PPP1R21: variants seen among roughly 807,000 people sequenced by gnomAD.
PPP1R21 encodes the protein KLRAQ motif containing 1.
In PPP1R21, 85 loss-of-function variants were observed where a neutral mutation model predicts 112.8. The ratio of observed to expected loss-of-function variants is 0.75; its 90% CI spans 0.63 to 0.90. PPP1R21 has a LOEUF of 0.90. PPP1R21 is among the 40% of genes least tolerant of loss of function. The pLI is 0.00. For synonymous variants in PPP1R21, 381 were observed against 322.3 expected, an observed-to-expected ratio of 1.18 and a Z score of -1.95; for missense variants, 1,199 against 901.5, an observed-to-expected ratio of 1.33 and a Z score of -4.23.
At chr2:48,448,966 C>A (rs984074218) in intron 1 of PPP1R21, among the ~76,000 whole-genome samples, 2 of 151,322 alleles carry the variant, frequency 1.3e-5, no homozygotes, top group African/African-American at 4.9e-5. Flanking sequence ...AATAGCCTGC[C>A]AATTTGGCCC....
chr2:48,509,867 G>A (rs780370418), intron 19 of PPP1R21, 148 bp from the exon 20 acceptor site: 1 of 525,138 alleles, frequency 1.9e-6, no homozygotes, highest in Non-Finnish European at 3.4e-6. Flanking sequence ...TCTGATGTGT[G>A]ACACAATGCC....
In PPP1R21 at chr2:48,440,880, G is replaced by T. The variant is rs1212070755; in HGVS notation, c.-74G>T. ...GATACTGCCTGACCCGTTCCCGGGAGCGTGTCTGGGTTTGGGGGCGGGAGA... is the reference window on the plus strand; with the variant it reads ...GATACTGCCTGACCCGTTCCCGGGATCGTGTCTGGGTTTGGGGGCGGGAGA... On this transcript the variant is annotated 5_prime_UTR_variant, in exon 1 of 22. Coordinates refer to ENST00000294952, the MANE Select transcript of PPP1R21 (RefSeq NM_001135629.3). 4.6e-6 allele frequency: 5 copies of T among 1,082,312 alleles called. No homozygotes were observed. Among genetic ancestry groups the T allele is most frequent in the Non-Finnish European group, 6.9e-6 (5 of 727,892 alleles). 67.0% of individuals were successfully genotyped at this position (1,082,312 alleles called of 1,614,324 possible). A position where few individuals can be genotyped will look rare whatever the true frequency, so the allele number is the denominator to read the frequency against.
intron 4 of PPP1R21, 92 bp downstream of exon 4, chr2:48,458,319 G>A (rs2103789616): frequency 6.7e-6 from 5 of 751,612 alleles, no homozygotes; most frequent in East Asian, 2.7e-5. Context: ...TTTTGTGTCT[G>A]CGTGGGTATT....
intron 14 of PPP1R21, 110 bp downstream of exon 14, chr2:48,486,868 C>G: frequency 1.6e-6 from 2 of 1,215,946 alleles, no homozygotes; most frequent in Non-Finnish European, 2.3e-6. Flanking sequence ...TAAGGGTTTA[C>G]TGTAAAATAA....
intron 16 of PPP1R21, 35 bp downstream of exon 16, chr2:48,495,806 G>A: frequency 8.3e-7 from 1 of 1,206,112 alleles, no homozygotes; most frequent in Non-Finnish European, 1.2e-6. Context: ...AATTGTTAAA[G>A]AACAGAAATG....
intron 14 of PPP1R21, 109 bp downstream of exon 14, chr2:48,486,867 A>G (rs1669325617): frequency 1.6e-6 from 2 of 1,218,368 alleles, no homozygotes; most frequent in Non-Finnish European, 2.3e-6. Context: ...ATAAGGGTTT[A>G]CTGTAAAATA....
intron 15 of PPP1R21, 63 bp from the exon 16 acceptor site, chr2:48,495,616 T>C (rs4443044): frequency 0.54 from 466,087 of 863,238 alleles, 127,995 homozygotes; most frequent in Middle Eastern, 0.65. Flanking sequence ...TTTGTGTATG[T>C]TGGATGCAGG....
At chr2:48,501,770 C>CT (rs1039538816) in intron 17 of PPP1R21, among the ~76,000 whole-genome samples, 3 of 151,676 alleles carry the variant, frequency 2.0e-5, no homozygotes, top group Admixed American at 1.3e-4. Flanking sequence ...CATTGTGCCA[C>CT]TGTACTCCAG....
At chr2:48,514,276 C>T (rs1007508987) in intron 21 of PPP1R21, among the ~76,000 whole-genome samples, 3 of 151,770 alleles carry the variant, frequency 2.0e-5, no homozygotes, top group Non-Finnish European at 4.4e-5. Context: ...TTAATAGAGA[C>T]GGGGTTTCAC....
chr2:48,459,118 A>G (rs901441671), intron 4 of PPP1R21, among the ~76,000 whole-genome samples: 4 of 150,098 alleles, frequency 2.7e-5, no homozygotes, highest in Non-Finnish European at 4.4e-5. Flanking sequence ...AAAAAGATTC[A>G]TAGTATAGTG....
intron 2 of PPP1R21, among the ~76,000 whole-genome samples, chr2:48,451,731 A>G (rs1162248289): frequency 1.3e-5 from 2 of 152,148 alleles, no homozygotes; most frequent in Non-Finnish European, 2.9e-5. Flanking sequence ...GCCAAGTTTC[A>G]GTTAAATATA....
chr2:48,456,320 A>G (rs74530590), intron 3 of PPP1R21, among the ~76,000 whole-genome samples: 1,901 of 150,970 alleles, frequency 0.013, 41 homozygotes, highest in African/African-American at 0.044. Context: ...ATAGACTAAC[A>G]CTCCACAAAT....
chr2:48,501,904 T>G (rs1670133715), intron 17 of PPP1R21: 1 of 152,180 alleles, frequency 6.6e-6, no homozygotes, highest in African/African-American at 2.4e-5. Context: ...TATATATTTC[T>G]TTATAAATTA....
intron 12 of PPP1R21, among the ~76,000 whole-genome samples, chr2:48,477,933 G>C (rs745517581): frequency 9.9e-5 from 15 of 152,078 alleles, no homozygotes; most frequent in Non-Finnish European, 1.9e-4. Context: ...ATTAAGATGA[G>C]GTCATACTGG....
chr2:48,453,726 A>T (rs551760507), intron 2 of PPP1R21, among the ~76,000 whole-genome samples: 5 of 152,328 alleles, frequency 3.3e-5, no homozygotes, highest in African/African-American at 1.2e-4. Context: ...TTTTGTTTCT[A>T]TTGTCATTTA....
intron 13 of PPP1R21, among the ~76,000 whole-genome samples, chr2:48,481,096 C>G (rs1668990367): frequency 1.3e-5 from 2 of 152,212 alleles, no homozygotes; most frequent in Admixed American, 6.5e-5. Context: ...TCAAGTGATT[C>G]TTCTGCCTCA....
intron 13 of PPP1R21, among the ~76,000 whole-genome samples, chr2:48,486,033 C>T (rs577000861): frequency 6.7e-6 from 1 of 149,484 alleles, no homozygotes; most frequent in South Asian, 2.1e-4. Context: ...TATATGTATA[C>T]CTCTTCTATG....
Position 48,440,891 on chromosome 2 carries a change from TTTG to T in PPP1R21, c.-62_-60del. On this transcript the variant is annotated 5_prime_UTR_variant, in exon 1 of 22. Coordinates refer to ENST00000294952, the MANE Select transcript of PPP1R21 (RefSeq NM_001135629.3). ...ACCCGTTCCCGGGAGCGTGTCTGGG[TTTG>T]GGGGCGGGAGACAGGCTGAGCCGCC... 1 of 1,193,076 alleles carries T rather than the reference TTTG, an allele frequency of 8.4e-7. No individual in the cohort carries two copies. Among genetic ancestry groups the T allele is most frequent in the Non-Finnish European group, 1.2e-6 (1 of 821,914 alleles). The allele number at this position is 1,193,076 out of a possible 1,614,324, so 73.9% of individuals were successfully genotyped here.
At chr2:48,454,527 A>C (rs570564824) in intron 2 of PPP1R21, 68 bp from the exon 3 acceptor site, 968 of 1,563,950 alleles carry the variant, frequency 6.2e-4, no homozygotes, top group Non-Finnish European at 8.1e-4. Flanking sequence ...AATAGAAATA[A>C]TTTTTAATAA....
Sources: gnomAD v4.1 joint callset for allele counts (sites outside exome capture counted in the v4.1 genomes callset) on GRCh38, gnomAD v4.1.1 for gene constraint, MANE v1.5 for transcripts, NCBI Gene and HGNC (gene_info 2026-07-23, HGNC 2026-07-21) for gene names.